FNIP1: variants seen among roughly 807,000 people sequenced by gnomAD.
The protein encoded by FNIP1 is folliculin interacting protein 1, also known as folliculin-interacting protein 1.
A neutral mutation model predicts 124.5 loss-of-function variants in FNIP1; 40 were observed. The observed-to-expected ratio is 0.32, with a 90% CI of 0.25 to 0.42. The LOEUF (loss-of-function observed/expected upper bound fraction) is 0.42, where lower values mean the gene tolerates loss of function less well. Ranked by LOEUF, FNIP1 falls within the 10% of genes least tolerant of loss-of-function variation. The pLI is 1.00. For missense variants in FNIP1, 1,176 were observed against 1,403.7 expected, an observed-to-expected ratio of 0.84 and a Z score of 2.59; for synonymous variants, 472 against 470.6, an observed-to-expected ratio of 1.00 and a Z score of -0.04.
At chr5:131,749,545 T>C (rs1389880968) in intron 1 of FNIP1, among the ~76,000 whole-genome samples, 4 of 151,918 alleles carry the variant, frequency 2.6e-5, no homozygotes, top group Admixed American at 6.6e-5. Context: ...GCGTGTGCCA[T>C]CATGCCTGGC....
chr5:131,791,659 G>A, intron 1 of FNIP1, among the ~76,000 whole-genome samples: 1 of 152,156 alleles, frequency 6.6e-6, no homozygotes, highest in Non-Finnish European at 1.5e-5. Context: ...CATTTAAGTG[G>A]GGGAGGGCTG....
At chr5:131,704,007 C>T (rs951236890) in intron 10 of FNIP1, 58 bp downstream of exon 10, 5 of 1,359,918 alleles carry the variant, frequency 3.7e-6, no homozygotes, top group Middle Eastern at 2.6e-4. Flanking sequence ...AAATATAATG[C>T]TTAATTGGGA....
chr5:131,708,543 T>C (rs1000428252), intron 8 of FNIP1, among the ~76,000 whole-genome samples: 3 of 152,192 alleles, frequency 2.0e-5, no homozygotes, highest in African/African-American at 4.8e-5. Context: ...CTGTAAAGCA[T>C]TGTTGGCATC....
chr5:131,672,557 C>T lies in FNIP1; in HGVS notation c.1887G>A (p.Glu629=). 1 of 1,614,080 alleles carries T rather than the reference C, an allele frequency of 6.2e-7. No homozygotes were observed. Among genetic ancestry groups the T allele is most frequent in the Non-Finnish European group, 8.5e-7 (1 of 1,180,030 alleles). ...GQNVENISQQ[E]REDIQNSSKE... ...TAGAGCTGTTTTGAATATCTTCTCT[C>T]TCTTGTTGTGAAATGTTCTCTACAT... is the stretch of plus-strand genomic sequence containing the variant. The change falls in exon 14 of 18, where the codon GAG becomes GAA. Residue 629 remains glutamate, a synonymous_variant. Transcript: ENST00000510461.
intron 3 of FNIP1, among the ~76,000 whole-genome samples, chr5:131,726,434 G>A (rs1163284524): frequency 6.6e-6 from 1 of 152,142 alleles, no homozygotes; most frequent in African/African-American, 2.4e-5. Context: ...GATGGTGTAT[G>A]TGTCCAGGAA....
intron 16 of FNIP1, 66 bp from the exon 17 acceptor site, chr5:131,647,271 T>A: frequency 8.8e-7 from 1 of 1,132,750 alleles, no homozygotes; most frequent in Non-Finnish European, 1.3e-6. Flanking sequence ...CATGGCAAAC[T>A]CCAAAACATA....
At chr5:131,786,300 A>T (rs947185052) in intron 1 of FNIP1, among the ~76,000 whole-genome samples, 34 of 152,362 alleles carry the variant, frequency 2.2e-4, no homozygotes, top group African/African-American at 8.2e-4. Context: ...CTGTGCCCTT[A>T]TAGAACTTAC....
chr5:131,787,473 C>T (rs930352558), intron 1 of FNIP1, among the ~76,000 whole-genome samples: 4 of 152,224 alleles, frequency 2.6e-5, no homozygotes, highest in South Asian at 2.1e-4. Context: ...AAGTCCATCA[C>T]ACCAGCTACA....
chr5:131,670,343 G>T, intron 15 of FNIP1, 120 bp downstream of exon 15: 1 of 776,936 alleles, frequency 1.3e-6, no homozygotes, highest in Non-Finnish European at 2.0e-6. Flanking sequence ...ATAAAATGAT[G>T]GATTCAGAGA....
At chr5:131,675,697 G>A (rs1431887067) in intron 13 of FNIP1, among the ~76,000 whole-genome samples, 3 of 152,118 alleles carry the variant, frequency 2.0e-5, no homozygotes, top group Non-Finnish European at 4.4e-5. Context: ...TGGCTGCCTA[G>A]GGATGGTGGA....
At chr5:131,781,975 A>G (rs1013418749) in intron 1 of FNIP1, among the ~76,000 whole-genome samples, 3 of 152,098 alleles carry the variant, frequency 2.0e-5, no homozygotes, top group Admixed American at 6.6e-5. Flanking sequence ...CCTCCACAAC[A>G]TAGCAAGACC....
chr5:131,727,138 G>T (rs758269016), intron 3 of FNIP1, among the ~76,000 whole-genome samples: 28 of 152,160 alleles, frequency 1.8e-4, no homozygotes, highest in Non-Finnish European at 3.5e-4. Flanking sequence ...ATTTGGGGTG[G>T]AGAGTTCTGC....
At chr5:131,725,570 T>C (rs1346247471) in intron 3 of FNIP1, among the ~76,000 whole-genome samples, 1 of 152,260 alleles carries the variant, frequency 6.6e-6, no homozygotes, top group Non-Finnish European at 1.5e-5. Context: ...TTGCTGAAGT[T>C]GCTTAACAGC....
intron 3 of FNIP1, among the ~76,000 whole-genome samples, chr5:131,722,724 C>T (rs548009785): frequency 7.9e-5 from 12 of 152,290 alleles, no homozygotes; most frequent in Middle Eastern, 3.4e-3. Flanking sequence ...TTGCTCTTGT[C>T]GCCCAGGCTG....
At chr5:131,733,219 G>A (rs1366093824) in intron 2 of FNIP1, among the ~76,000 whole-genome samples, 1 of 152,170 alleles carries the variant, frequency 6.6e-6, no homozygotes, top group African/African-American at 2.4e-5. Context: ...TCAGCTTAAG[G>A]AGATTTTGGG....
At chr5:131,780,472 ATTTTAT>A (rs904071186) in intron 1 of FNIP1, among the ~76,000 whole-genome samples, 7 of 151,838 alleles carry the variant, frequency 4.6e-5, no homozygotes, top group East Asian at 3.9e-4. Context: ...TTTTATTTTT[ATTTTAT>A]TTTTATTTTT....
At position 131,691,393 on chromosome 5, in the gene FNIP1, T is replaced by C. The variant is rs369901018; in HGVS notation, c.1202+7524A>G. ...TGAATACATATATTAGAAAAGAAGA[T>C]CTAAAATCAACGATCTAAGCTTTAA... On this transcript the variant is annotated intron_variant, in intron 11 of 17. Transcript: ENST00000510461. Among the ~76,000 whole-genome samples the C allele has an allele frequency of 1.1e-4, 16 of 152,118 alleles. No individual in the cohort carries two copies. The East Asian group carries it at 2.9e-3, about 27-fold the overall frequency.
At chr5:131,749,882 T>C (rs1273764906) in intron 1 of FNIP1, among the ~76,000 whole-genome samples, 2 of 152,110 alleles carry the variant, frequency 1.3e-5, no homozygotes, top group East Asian at 1.9e-4. Context: ...CTATACCATC[T>C]AGTGTGTGTA....
intron 6 of FNIP1, among the ~76,000 whole-genome samples, chr5:131,713,780 C>G (rs937105819): frequency 6.6e-6 from 1 of 152,210 alleles, no homozygotes; most frequent in Non-Finnish European, 1.5e-5. Flanking sequence ...ATTAGCTAAT[C>G]TGGTCCACTC....
Sources: gnomAD v4.1 joint callset for allele counts (sites outside exome capture counted in the v4.1 genomes callset) on GRCh38, gnomAD v4.1.1 for gene constraint, MANE v1.5 for transcripts, NCBI Gene and HGNC (gene_info 2026-07-23, HGNC 2026-07-21) for gene names.